The following ZBTB46 variants were observed in gnomAD, a reference collection of about 807,000 sequenced individuals.
ZBTB46 encodes zinc finger and BTB domain-containing protein 46.
A neutral mutation model predicts 44.1 loss-of-function variants in ZBTB46; 8 were observed. The ratio of observed to expected loss-of-function variants is 0.18; its 90% CI spans 0.11 to 0.33. ZBTB46 has a LOEUF of 0.33. Among genes scored for constraint, ZBTB46 ranks in the 10% least tolerant of loss-of-function variants. ZBTB46 has a pLI of 1.00. For missense variants in ZBTB46, 651 were observed against 847.7 expected, an observed-to-expected ratio of 0.77 and a Z score of 2.88; for synonymous variants, 409 against 382.3, an observed-to-expected ratio of 1.07 and a Z score of -0.81.
chr20:63,774,864 C>T (rs935143614), intron 3 of ZBTB46, among the ~76,000 whole-genome samples: 3 of 151,914 alleles, frequency 2.0e-5, no homozygotes, highest in African/African-American at 7.3e-5. Context: ...CCACCACGCC[C>T]GGCTAATTTT....
chr20:63,826,911 C>T (rs984898402), intron 1 of ZBTB46, among the ~76,000 whole-genome samples: 1 of 152,224 alleles, frequency 6.6e-6, no homozygotes, highest in African/African-American at 2.4e-5. Context: ...GCCCTCCGGC[C>T]AGCAATCCAC....
intron 3 of ZBTB46, among the ~76,000 whole-genome samples, chr20:63,766,607 G>A (rs535856931): frequency 8.5e-5 from 13 of 152,058 alleles, no homozygotes; most frequent in African/African-American, 2.9e-4. Context: ...ATAAAGAGGC[G>A]TCTGGCAGCT....
Position 63,763,960 on chromosome 20 carries a change from TTTTTTC to T in ZBTB46, c.1223-11105_1223-11100del, listed in dbSNP as rs1335851473. 1.6e-4 allele frequency among the ~76,000 whole-genome samples: 24 copies of T among 152,118 alleles called. 1 individual carries two copies. On this transcript the variant is annotated intron_variant, in intron 3 of 4. Coordinates refer to ENST00000245663, the MANE Select transcript of ZBTB46 (RefSeq NM_001369741.1). ...CACAGTTGCCTTATCTGGTGCTTTC[TTTTTTC>T]TTTTTCTTTTTTTTTTAAATAAGAG...
At chr20:63,783,781 T>TG (rs2092490169) in intron 2 of ZBTB46, among the ~76,000 whole-genome samples, 1 of 152,128 alleles carries the variant, frequency 6.6e-6, no homozygotes, top group Admixed American at 6.6e-5. Context: ...CCAAAGCACA[T>TG]GATGTCATCT....
intron 3 of ZBTB46, among the ~76,000 whole-genome samples, chr20:63,760,279 A>C (rs2092261631): frequency 6.6e-6 from 1 of 152,160 alleles, no homozygotes; most frequent in Non-Finnish European, 1.5e-5. Flanking sequence ...TAAAGTTATT[A>C]ATTCAATTTT....
chr20:63,811,427 A>G (rs1157000233), intron 1 of ZBTB46, among the ~76,000 whole-genome samples: 1 of 152,218 alleles, frequency 6.6e-6, no homozygotes, highest in Non-Finnish European at 1.5e-5. Flanking sequence ...TCTGACTTCC[A>G]GGAGCAGAAG....
At chr20:63,819,777 CAAGT>C (rs764445041) in intron 1 of ZBTB46, among the ~76,000 whole-genome samples, 7 of 152,156 alleles carry the variant, frequency 4.6e-5, no homozygotes, top group Non-Finnish European at 5.9e-5. Context: ...ACTCCGCCAA[CAAGT>C]AAGAAAAGCA....
At chr20:63,778,336 C>G (rs7363352) in intron 2 of ZBTB46, among the ~76,000 whole-genome samples, 83,376 of 151,806 alleles carry the variant, frequency 0.55, 22,984 homozygotes, top group South Asian at 0.62. Context: ...GCTGTATGCA[C>G]GATATCAAAA....
At position 63,767,864 on chromosome 20, in the gene ZBTB46, A is replaced by T; in HGVS notation, c.1222+7814T>A. The T allele has an allele frequency of 1.0e-6, 1 of 984,154 alleles. No homozygotes were observed. The highest frequency in any genetic ancestry group is 1.2e-6 in the Non-Finnish European group (1 of 829,020). 61.0% of individuals were successfully genotyped at this position (984,154 alleles called of 1,614,324 possible). A position where few individuals can be genotyped will look rare whatever the true frequency, so the allele number is the denominator to read the frequency against. ...CCATCCAGGCCTGGGCTGGAAGAAG[A>T]CTCCTCAGGCATCCTGGACAGGCCA... On this transcript the variant is annotated intron_variant, in intron 3 of 4. Coordinates refer to ENST00000245663, the MANE Select transcript of ZBTB46 (RefSeq NM_001369741.1). The surrounding 1 kb of genome is among the most constrained non-coding windows in gnomAD (Gnocchi z 5.0).
At chr20:63,791,204 A>G (rs569949221) in intron 1 of ZBTB46, among the ~76,000 whole-genome samples, 20 of 152,362 alleles carry the variant, frequency 1.3e-4, no homozygotes, top group African/African-American at 4.8e-4. Context: ...GAAAAAGAAT[A>G]AAACTTCCAG....
Position 63,803,565 on chromosome 20 carries a change from GC to G in ZBTB46, c.-33-12776del. On this transcript the variant is annotated intron_variant, in intron 1 of 4. Coordinates refer to ENST00000245663, the MANE Select transcript of ZBTB46 (RefSeq NM_001369741.1). This position sits in a 1 kb window ranked among gnomAD's most constrained non-coding sequence, Gnocchi z 4.0. ...TGTCTGCCGGCCCCGGGCTGCCCAG[GC>G]CCCGGGCTGCCCAGGTCTCTGTCGG... 1.0e-6 allele frequency: 1 copy of G among 970,084 alleles called. No individual in the cohort carries two copies. Among genetic ancestry groups the G allele is most frequent in the Non-Finnish European group, 1.2e-6 (1 of 821,460 alleles). 60.1% of individuals were successfully genotyped at this position (970,084 alleles called of 1,614,324 possible).
chr20:63,781,522 G>A (rs1423144584), intron 2 of ZBTB46, among the ~76,000 whole-genome samples: 5 of 152,324 alleles, frequency 3.3e-5, no homozygotes, highest in Admixed American at 2.6e-4. Context: ...CAGGTGTGGC[G>A]TCTCACGTCT....
At chr20:63,759,847 G>A (rs1413756016) in intron 3 of ZBTB46, among the ~76,000 whole-genome samples, 11 of 151,908 alleles carry the variant, frequency 7.2e-5, no homozygotes, top group Admixed American at 6.6e-4. Flanking sequence ...TTCTTATCAC[G>A]AAGGCTACTG....
intron 3 of ZBTB46, among the ~76,000 whole-genome samples, chr20:63,757,559 A>ACCACCACAGCGTCT (rs986340687): frequency 3.9e-5 from 6 of 152,034 alleles, no homozygotes; most frequent in Admixed American, 6.5e-5. Context: ...ACCCTGCATC[A>ACCACCACAGCGTCT]CCACCACAGC....
intron 1 of ZBTB46, among the ~76,000 whole-genome samples, chr20:63,820,433 A>T (rs200940393): frequency 6.7e-6 from 1 of 148,980 alleles, no homozygotes; most frequent in Non-Finnish European, 1.5e-5. Flanking sequence ...GAAGTATATT[A>T]TATATATATA....
intron 3 of ZBTB46, among the ~76,000 whole-genome samples, chr20:63,759,560 A>G (rs1479034727): frequency 6.6e-6 from 1 of 152,014 alleles, no homozygotes; most frequent in East Asian, 1.9e-4. Flanking sequence ...AGCTTGGGAC[A>G]AGGGGTAGGA....
chr20:63,800,686 C>T (rs920945078), intron 1 of ZBTB46, among the ~76,000 whole-genome samples: 8 of 152,224 alleles, frequency 5.3e-5, no homozygotes, highest in Non-Finnish European at 8.8e-5. Flanking sequence ...GCTTAGCACC[C>T]GGGCCAGCAG....
At chr20:63,796,558 G>T (rs967356180) in intron 1 of ZBTB46, among the ~76,000 whole-genome samples, 1 of 152,230 alleles carries the variant, frequency 6.6e-6, no homozygotes, top group African/African-American at 2.4e-5. Context: ...GAGTGCGGTG[G>T]CGCACGCCTG....
chr20:63,803,236 A>C lies in ZBTB46; in HGVS notation c.-33-12446T>G. ...GCAGGAACCAGGCACCTCCCCTCAC[A>C]CCAAGGCGTTCATGGTTTACCTTCT... On this transcript the variant is annotated intron_variant, in intron 1 of 4. Transcript: ENST00000245663. This position sits in a 1 kb window ranked among gnomAD's most constrained non-coding sequence, Gnocchi z 4.0. 1 of 921,670 alleles carries C rather than the reference A, an allele frequency of 1.1e-6. No individual in the cohort carries two copies. The highest frequency in any genetic ancestry group is 1.3e-6 in the Non-Finnish European group (1 of 771,978). 57.1% of individuals were successfully genotyped at this position (921,670 alleles called of 1,614,324 possible).
Sources: gnomAD v4.1 joint callset for allele counts (sites outside exome capture counted in the v4.1 genomes callset) on GRCh38, gnomAD v4.1.1 for gene constraint, Gnocchi (gnomAD v3.1) non-coding constraint, MANE v1.5 for transcripts, NCBI Gene and HGNC (gene_info 2026-07-23, HGNC 2026-07-21) for gene names.